Variants in NFAT5 observed in about 807,000 individuals in gnomAD.
The protein encoded by NFAT5 is nuclear factor of activated T cells 5, also known as nuclear factor of activated T-cells 5.
NFAT5 carries 31 observed loss-of-function variants against 166.5 expected under a neutral mutation model. That is an observed-to-expected ratio of 0.19 (90% CI 0.14 to 0.25). NFAT5 has a LOEUF of 0.25. Among genes scored for constraint, NFAT5 ranks in the 10% least tolerant of loss-of-function variants. NFAT5 has a pLI of 1.00. For synonymous variants in NFAT5, 612 were observed against 639.7 expected (o/e 0.96, Z 0.65); for missense variants, 1,449 against 1,821.8 (o/e 0.80, Z 3.72).
chr16:69,647,828 T>A lies in NFAT5; in HGVS notation c.812+242T>A, dbSNP rs562624472. 6.6e-6 allele frequency among the ~76,000 whole-genome samples: 1 copy of A among 152,094 alleles called. No individual in the cohort carries two copies. Among genetic ancestry groups the A allele is most frequent in the African/African-American group, 2.4e-5 (1 of 41,478 alleles). On this transcript the variant is annotated intron_variant, in intron 4 of 14. Coordinates refer to ENST00000349945, the MANE Select transcript of NFAT5 (RefSeq NM_138713.4). This position sits in a 1 kb window ranked among gnomAD's most constrained non-coding sequence, Gnocchi z 4.8. Reference sequence around the variant, plus strand: ...ATCAGTATAGTTAGGTAGTAGAAAATGAAAATAATCTGTTCTGAAATAAAT... The same window carrying A: ...ATCAGTATAGTTAGGTAGTAGAAAAAGAAAATAATCTGTTCTGAAATAAAT...
chr16:69,601,277 G>A (rs896028530), intron 2 of NFAT5, among the ~76,000 whole-genome samples: 15 of 152,040 alleles, frequency 9.9e-5, no homozygotes, highest in Non-Finnish European at 2.1e-4. Context: ...ATACATTTCT[G>A]CATAAGAGGG....
At chr16:69,629,768 A>ATTTTT (rs761809860) in intron 3 of NFAT5, among the ~76,000 whole-genome samples, 2 of 111,738 alleles carry the variant, frequency 1.8e-5, no homozygotes, top group African/African-American at 3.4e-5. Flanking sequence ...CACTGGGCTA[A>ATTTTT]TTTTTTTTTT....
At chr16:69,626,336 T>C (rs1330215565) in intron 2 of NFAT5, 67 bp from the exon 3 acceptor site, 6 of 1,399,692 alleles carry the variant, frequency 4.3e-6, no homozygotes, top group Non-Finnish European at 5.8e-6. Context: ...ACTCATTTTG[T>C]GCATATTAGA....
intron 7 of NFAT5, among the ~76,000 whole-genome samples, chr16:69,664,512 C>T (rs1156826363): frequency 2.7e-4 from 41 of 152,014 alleles, no homozygotes. Flanking sequence ...GTCTCAATCT[C>T]CTGACCTCGT....
chr16:69,650,092 C>T (rs1177252674), intron 4 of NFAT5, among the ~76,000 whole-genome samples: 2 of 151,932 alleles, frequency 1.3e-5, no homozygotes, highest in Non-Finnish European at 2.9e-5. Flanking sequence ...GATAGGATGT[C>T]ATCTGGATGT....
At chr16:69,620,081 T>G (rs1261607052) in intron 2 of NFAT5, among the ~76,000 whole-genome samples, 3 of 152,248 alleles carry the variant, frequency 2.0e-5, no homozygotes, top group African/African-American at 7.2e-5. Context: ...TACATTGTTT[T>G]CCTTTCCACC....
chr16:69,666,235 A>G lies in NFAT5; in HGVS notation c.1370-3742A>G, dbSNP rs1452876439. On this transcript the variant is annotated intron_variant, in intron 7 of 14. Coordinates refer to ENST00000349945, the MANE Select transcript of NFAT5 (RefSeq NM_138713.4). Reference sequence around the variant, plus strand: ...AAAAACCCTAGAAGAAAACCTAGGCATTACCATTCAGGACATAGGCATGGG... The same window carrying G: ...AAAAACCCTAGAAGAAAACCTAGGCGTTACCATTCAGGACATAGGCATGGG... Among the ~76,000 whole-genome samples, 3 of 148,916 alleles carry G rather than the reference A, an allele frequency of 2.0e-5. No individual in the cohort carries two copies. The Admixed American group carries it at 2.0e-4, about 10-fold the overall frequency.
intron 2 of NFAT5, among the ~76,000 whole-genome samples, chr16:69,623,968 C>T (rs1470182106): frequency 1.3e-5 from 2 of 151,792 alleles, no homozygotes; most frequent in African/African-American, 2.4e-5. Context: ...CCAGGCTAGT[C>T]TCGAACTCTT....
At chr16:69,685,537 A>C (rs1166537198) in intron 11 of NFAT5, 1 of 149,902 alleles carries the variant, frequency 6.7e-6, no homozygotes, top group Non-Finnish European at 1.5e-5. Flanking sequence ...ACAGAGCGAG[A>C]CCCTGTCTTA....
chr16:69,640,842 G>T (rs968915012), intron 3 of NFAT5, among the ~76,000 whole-genome samples: 1 of 151,794 alleles, frequency 6.6e-6, no homozygotes, highest in African/African-American at 2.4e-5. Context: ...TTAGCCGGGC[G>T]TGGTGGTGCA....
Position 69,702,675 on chromosome 16 carries a change from C to G in NFAT5, c.*6324C>G, listed in dbSNP as rs1044709359. ...CCCGCAATCTGTTTTCACAAGCCCTCCAGGTGATTCTGATGCACACTTTAA... is the reference window on the plus strand; with the variant it reads ...CCCGCAATCTGTTTTCACAAGCCCTGCAGGTGATTCTGATGCACACTTTAA... On this transcript the variant is annotated 3_prime_UTR_variant, in exon 15 of 15. Coordinates refer to ENST00000349945, the MANE Select transcript of NFAT5 (RefSeq NM_138713.4). The G allele has an allele frequency of 1.3e-5, 2 of 152,560 alleles. No homozygotes were observed. Among genetic ancestry groups the G allele is most frequent in the African/African-American group, 4.8e-5 (2 of 41,422 alleles). The allele number at this position is 152,560 out of a possible 1,614,324, so 9.5% of individuals were successfully genotyped here. A position where few individuals can be genotyped will look rare whatever the true frequency, so the allele number is the denominator to read the frequency against.
chr16:69,570,804 CA>C (rs2016383967), intron 2 of NFAT5, among the ~76,000 whole-genome samples: 1 of 152,138 alleles, frequency 6.6e-6, no homozygotes, highest in South Asian at 2.1e-4. Context: ...GTTGCTCTGA[CA>C]TTTACTTGTA....
chr16:69,642,238 G>A (rs139732609), intron 3 of NFAT5, among the ~76,000 whole-genome samples: 35 of 152,196 alleles, frequency 2.3e-4, no homozygotes, highest in African/African-American at 7.5e-4. Flanking sequence ...CTATTTTTGA[G>A]TATTTATAGT....
intron 2 of NFAT5, among the ~76,000 whole-genome samples, chr16:69,590,113 A>G (rs533313371): frequency 2.0e-5 from 3 of 152,206 alleles, no homozygotes; most frequent in Non-Finnish European, 4.4e-5. Flanking sequence ...GTTCAAGGTT[A>G]CAGTGAACTA....
At chr16:69,621,267 C>A (rs1567547442) in intron 2 of NFAT5, among the ~76,000 whole-genome samples, 1 of 150,514 alleles carries the variant, frequency 6.6e-6, no homozygotes, top group African/African-American at 2.4e-5. Context: ...AAAAAAAAAA[C>A]AGCTTTATTG....
chr16:69,627,984 A>G (rs1487940984), intron 3 of NFAT5, among the ~76,000 whole-genome samples: 1 of 152,136 alleles, frequency 6.6e-6, no homozygotes, highest in Admixed American at 6.5e-5. Flanking sequence ...TTTCTTTTGT[A>G]TCTTTTGAGA....
chr16:69,649,605 A>G, intron 4 of NFAT5: 4 of 940,102 alleles, frequency 4.3e-6, no homozygotes, highest in Non-Finnish European at 3.8e-6. Context: ...TATGGAAATG[A>G]TGGAAGAATT....
At chr16:69,666,385 C>G (rs1321726344) in intron 7 of NFAT5, among the ~76,000 whole-genome samples, 1 of 151,594 alleles carries the variant, frequency 6.6e-6, no homozygotes, top group African/African-American at 2.4e-5. Flanking sequence ...GAACAGGCAA[C>G]CTACAAAATG....
chr16:69,616,226 C>G (rs1224763646), intron 2 of NFAT5, among the ~76,000 whole-genome samples: 1 of 152,078 alleles, frequency 6.6e-6, no homozygotes, highest in Admixed American at 6.5e-5. Flanking sequence ...CACATGCCCT[C>G]CTCACCCTGC....
Sources: allele counts gnomAD v4.1 joint callset (sites outside exome capture counted in the v4.1 genomes callset), GRCh38; gene constraint gnomAD v4.1.1; non-coding constraint Gnocchi (gnomAD v3.1); transcripts MANE v1.5; gene names NCBI Gene and HGNC (gene_info 2026-07-23, HGNC 2026-07-21).